Variants in BBOX1 observed in about 807,000 individuals in gnomAD.
BBOX1 encodes the protein gamma-butyrobetaine hydroxylase 1, also known as gamma-butyrobetaine dioxygenase.
BBOX1 carries 35 observed loss-of-function variants against 41.6 expected under a neutral mutation model. That is an observed-to-expected ratio of 0.84 (90% CI 0.64 to 1.11). The LOEUF is 1.11. BBOX1 is among the 50% of genes most tolerant of loss of function. The pLI is 0.00. For synonymous variants in BBOX1, 163 were observed against 154.7 expected (o/e 1.05, Z -0.40); for missense variants, 458 against 460.6 (o/e 0.99, Z 0.05).
intron 7 of BBOX1, among the ~76,000 whole-genome samples, chr11:27,123,876 A>G (rs1024623721): frequency 2.6e-5 from 4 of 152,212 alleles, no homozygotes. Context: ...TGTTATTAAT[A>G]CATGCAAATC....
chr11:27,072,556 A>G (rs1857489496), intron 4 of BBOX1, among the ~76,000 whole-genome samples: 2 of 152,214 alleles, frequency 1.3e-5, no homozygotes, highest in African/African-American at 4.8e-5. Flanking sequence ...TCGTCACAGA[A>G]TTGGAAAAAA....
At chr11:27,118,838 C>A (rs1859356211) in intron 6 of BBOX1, among the ~76,000 whole-genome samples, 1 of 149,686 alleles carries the variant, frequency 6.7e-6, no homozygotes, top group South Asian at 2.1e-4. Context: ...TTCATGATGG[C>A]AAAATCTAAA....
chr11:27,120,627 A>G (rs985194888), intron 7 of BBOX1, among the ~76,000 whole-genome samples: 4 of 152,128 alleles, frequency 2.6e-5, no homozygotes, highest in Non-Finnish European at 5.9e-5. Flanking sequence ...AAGTACCTAC[A>G]AAGGCCACAA....
At chr11:27,065,567 A>C (rs946570998) in intron 4 of BBOX1, among the ~76,000 whole-genome samples, 6 of 152,150 alleles carry the variant, frequency 3.9e-5, no homozygotes, top group African/African-American at 1.4e-4. Context: ...GGTGCCACTA[A>C]TCTGCAGGTT....
chr11:27,057,063 T>TAAAAAAA lies in BBOX1; in HGVS notation c.220-138_220-137insAAAAAAA, dbSNP rs1459422645. The TAAAAAAA allele has an allele frequency of 1.8e-3, 275 of 149,668 alleles. 13 individuals are homozygous for TAAAAAAA. Among genetic ancestry groups the TAAAAAAA allele is most frequent in the African/African-American group, 3.3e-3 (53 of 15,868 alleles). The allele number at this position is 149,668 out of a possible 1,614,324, so 9.3% of individuals were successfully genotyped here. On this transcript the variant is annotated intron_variant, in intron 3 of 8. Transcript: ENST00000263182. The stretch of plus-strand genomic sequence containing the variant: ...CCTGGCAACAGAGGAAGACTCCGAC[T>TAAAAAAA]TAAAAAAAAAAAAAAAAAAAAATTA...
chr11:27,049,489 A>G (rs1176920067), intron 2 of BBOX1, among the ~76,000 whole-genome samples: 2 of 152,058 alleles, frequency 1.3e-5, no homozygotes, highest in African/African-American at 4.8e-5. Flanking sequence ...AGTTCAAGCA[A>G]TCCTCCTACC....
At chr11:27,077,319 T>C (rs544931985) in intron 4 of BBOX1, among the ~76,000 whole-genome samples, 1 of 152,134 alleles carries the variant, frequency 6.6e-6, no homozygotes, top group Non-Finnish European at 1.5e-5. Flanking sequence ...TCAGCTCCAG[T>C]GCCGGGTAGG....
chr11:27,111,324 A>G (rs1773552528), intron 5 of BBOX1, among the ~76,000 whole-genome samples: 1 of 151,888 alleles, frequency 6.6e-6, no homozygotes, highest in Non-Finnish European at 1.5e-5. Context: ...GATGGCAAAA[A>G]TAGACACTAG....
chr11:27,092,686 G>C (rs1318340462), intron 4 of BBOX1, among the ~76,000 whole-genome samples: 1 of 151,844 alleles, frequency 6.6e-6, no homozygotes, highest in Non-Finnish European at 1.5e-5. Context: ...GAAATAAGAG[G>C]AAAGAAGAGC....
intron 2 of BBOX1, among the ~76,000 whole-genome samples, chr11:27,054,201 G>GTGTC (rs1176095732): frequency 3.7e-5 from 4 of 108,200 alleles, no homozygotes; most frequent in African/African-American, 1.1e-4. Context: ...GTGTGTGTGT[G>GTGTC]TGTCTGTGTG....
At chr11:27,063,798 G>C (rs1488921476) in intron 4 of BBOX1, among the ~76,000 whole-genome samples, 2 of 152,078 alleles carry the variant, frequency 1.3e-5, no homozygotes, top group East Asian at 3.9e-4. Context: ...TTCCATAAGA[G>C]GAAGTGAAAA....
chr11:27,070,057 A>G (rs1857396321), intron 4 of BBOX1, among the ~76,000 whole-genome samples: 1 of 152,030 alleles, frequency 6.6e-6, no homozygotes, highest in Non-Finnish European at 1.5e-5. Flanking sequence ...TTTAATTTCC[A>G]TGGGTTTGTA....
intron 4 of BBOX1, among the ~76,000 whole-genome samples, chr11:27,078,334 T>A (rs989139221): frequency 6.6e-6 from 1 of 151,952 alleles, no homozygotes; most frequent in Non-Finnish European, 1.5e-5. Flanking sequence ...TTCTTTTTTT[T>A]AATTATACTT....
At chr11:27,077,137 T>A (rs1306176694) in intron 4 of BBOX1, among the ~76,000 whole-genome samples, 1 of 152,132 alleles carries the variant, frequency 6.6e-6, no homozygotes, top group Non-Finnish European at 1.5e-5. Context: ...GAATTTCAGT[T>A]GGGAGCCTCT....
At position 27,125,818 on chromosome 11, in the gene BBOX1, C is replaced by A; in HGVS notation, c.1001C>A (p.Pro334Gln). Residue 334 changes from proline to glutamine, a missense_variant and splice_region_variant, in exon 8 of 9, where the codon CCA becomes CAA. Transcript: ENST00000263182. ...TCCAAGTTTACCTTCAAGATGAATC[C>A]AGGTCAGTGAATACATTTTCTCAAA... is the stretch of plus-strand genomic sequence containing the variant. Reference protein sequence around the residue: ...KESKFTFKMNPGDVITFDNWR... With the variant: ...KESKFTFKMNQGDVITFDNWR... 1 of 1,606,498 alleles carries A rather than the reference C, an allele frequency of 6.2e-7. No homozygotes were observed. The highest frequency in any genetic ancestry group is 8.5e-7 in the Non-Finnish European group (1 of 1,177,402).
chr11:27,081,948 G>C (rs984294103), intron 4 of BBOX1, among the ~76,000 whole-genome samples: 1 of 151,996 alleles, frequency 6.6e-6, no homozygotes, highest in Non-Finnish European at 1.5e-5. Flanking sequence ...TGTAGATTCT[G>C]GATATTAGCC....
chr11:27,059,868 A>G, intron 4 of BBOX1, among the ~76,000 whole-genome samples: 1 of 152,118 alleles, frequency 6.6e-6, no homozygotes, highest in East Asian at 1.9e-4. Context: ...TTATAACCCC[A>G]TTATATCTTG....
intron 4 of BBOX1, among the ~76,000 whole-genome samples, chr11:27,059,640 G>A (rs372452716): frequency 1.3e-5 from 2 of 152,172 alleles, no homozygotes; most frequent in South Asian, 2.1e-4. Context: ...CTCTGGAGCC[G>A]AACTTTGCAA....
rs111726744 is a variant in BBOX1, at chr11:27,049,665, A to T, written c.-38-5728A>T. ...TGGGCCCTGCTGTGGCTTACAGAAG[A>T]GTCAGCATGGCTCCATTTGAAAGTG... On this transcript the variant is annotated intron_variant, in intron 2 of 8. Coordinates refer to ENST00000263182, the MANE Select transcript of BBOX1 (RefSeq NM_003986.3). 5.3e-3 allele frequency among the ~76,000 whole-genome samples: 813 copies of T among 152,282 alleles called. 10 individuals carry two copies. Among genetic ancestry groups the T allele is most frequent in the African/African-American group, 0.018 (762 of 41,560 alleles).
Sources: gnomAD v4.1 joint callset for allele counts (sites outside exome capture counted in the v4.1 genomes callset) on GRCh38, gnomAD v4.1.1 for gene constraint, MANE v1.5 for transcripts, NCBI Gene and HGNC (gene_info 2026-07-23, HGNC 2026-07-21) for gene names.